Variants in IQANK1 observed in about 807,000 individuals in gnomAD.
IQANK1 encodes IQ motif and ankyrin repeat domain-containing protein 1.
In IQANK1, 30 loss-of-function variants were observed where a neutral mutation model predicts 22.6. That is an observed-to-expected ratio of 1.33 (90% confidence interval 0.99 to 1.80). The LOEUF (loss-of-function observed/expected upper bound fraction) is 1.80. IQANK1 is among the 40% of genes most tolerant of loss of function. The pLI, the probability that IQANK1 is intolerant of heterozygous loss-of-function variation, is 0.00. For synonymous variants in IQANK1, 122 were observed against 99.6 expected (o/e 1.23, Z -1.34); for missense variants, 275 against 235.2 (o/e 1.17, Z -1.11).
At chr8:143,743,894 C>T (rs1554626948) in intron 3 of IQANK1, 2 of 426,834 alleles carry the variant, frequency 4.7e-6, no homozygotes, top group East Asian at 1.5e-4. Flanking sequence ...CTGGAGTGCA[C>T]TGGGGCTTGG....
At chr8:143,744,730 G>C (rs1257513570) in intron 3 of IQANK1, 2 of 152,208 alleles carry the variant, frequency 1.3e-5, no homozygotes, top group Non-Finnish European at 2.9e-5. Context: ...CTGTCTTGCT[G>C]GAGGGAGGAA....
At chr8:143,741,654 T>A (rs1441857221) in intron 3 of IQANK1, 5 of 152,354 alleles carry the variant, frequency 3.3e-5, no homozygotes, top group African/African-American at 1.2e-4. Context: ...GCACTTAGCG[T>A]GGAGGGCGTG....
At chr8:143,789,906 C>T (rs782475055) in intron 11 of IQANK1, 37 bp downstream of exon 11, 10 of 1,231,454 alleles carry the variant, frequency 8.1e-6, no homozygotes, top group South Asian at 8.2e-5. Context: ...GGGGCTGGGA[C>T]ATACAGCCCA....
chr8:143,741,293 G>C lies in IQANK1; in HGVS notation c.175+1345G>C, dbSNP rs527331717. Among the ~76,000 whole-genome samples the C allele has an allele frequency of 2.6e-5, 4 of 152,302 alleles. No homozygotes were observed. The East Asian group carries it at 7.7e-4, about 29-fold the overall frequency. On this transcript the variant is annotated intron_variant, in intron 3 of 13. Coordinates refer to ENST00000527139, the MANE Select transcript of IQANK1 (RefSeq NM_001381874.1). ...CGGGGTGTGGGGCAGACAGGACCAG[G>C]GAGCTCCATCTTGTCGAGGGAAACT... is the stretch of plus-strand genomic sequence containing the variant.
At chr8:143,736,125 C>T (rs1292055717) in intron 2 of IQANK1, among the ~76,000 whole-genome samples, 187 bp downstream of exon 2, 1 of 151,490 alleles carries the variant, frequency 6.6e-6, no homozygotes, top group Non-Finnish European at 1.5e-5. Context: ...TCATCTCAGA[C>T]CTTGAGCCTG....
intron 7 of IQANK1, among the ~76,000 whole-genome samples, chr8:143,779,424 G>A (rs914315508): frequency 2.8e-4 from 43 of 152,108 alleles, no homozygotes; most frequent in African/African-American, 1.0e-3. Flanking sequence ...CATCCATCCA[G>A]TTGCTCAACT....
intron 7 of IQANK1, among the ~76,000 whole-genome samples, chr8:143,786,818 C>T (rs547936713): frequency 4.6e-5 from 7 of 152,286 alleles, no homozygotes; most frequent in Admixed American, 6.5e-5. Context: ...GGAATGAGGG[C>T]TGTGAACGCC....
At position 143,787,979 on chromosome 8, in the gene IQANK1, T is replaced by C. The variant is rs557917914; in HGVS notation, c.790-936T>C. On this transcript the variant is annotated intron_variant, in intron 7 of 13. Coordinates refer to ENST00000527139, the MANE Select transcript of IQANK1 (RefSeq NM_001381874.1). ...ACCTGCTCTTCTTCTCCCAGGCCTC[T>C]GCTCTCCAGCCAGCAGCTCCTCGGG... is the stretch of plus-strand genomic sequence containing the variant. Among the ~76,000 whole-genome samples, 10 of 152,300 alleles carry C rather than the reference T, an allele frequency of 6.6e-5. No individual in the cohort carries two copies. The East Asian group carries it at 9.7e-4, about 15-fold the overall frequency.
At chr8:143,739,742 G>T (rs900823866) in intron 2 of IQANK1, 117 bp from the exon 3 acceptor site, 10 of 578,146 alleles carry the variant, frequency 1.7e-5, no homozygotes, top group Admixed American at 2.9e-5. Flanking sequence ...AGGCCCGGGT[G>T]GGGGGCTCCC....
chr8:143,755,813 G>A (rs1316324497), intron 3 of IQANK1, among the ~76,000 whole-genome samples: 1 of 152,230 alleles, frequency 6.6e-6, no homozygotes, highest in African/African-American at 2.4e-5. Context: ...CTGGCAGGTG[G>A]CTGAGCCCCT....
At chr8:143,768,559 C>A (rs1819520023) in intron 3 of IQANK1, among the ~76,000 whole-genome samples, 1 of 152,080 alleles carries the variant, frequency 6.6e-6, no homozygotes, top group Non-Finnish European at 1.5e-5. Context: ...TCTTGTGTGC[C>A]CGATGGGAAT....
rs1289033423 is a variant in IQANK1, at chr8:143,771,833, G to A, written c.339G>A (p.Glu113=). The A allele has an allele frequency of 5.1e-6, 2 of 395,806 alleles. No homozygotes were observed. The highest frequency in any genetic ancestry group is 8.9e-6 in the Non-Finnish European group (2 of 224,230). The allele number at this position is 395,806 out of a possible 1,614,324, so 24.5% of individuals were successfully genotyped here. ...TGGCTCCGGTGCGCCGGGAGCAGGA[G>A]GCCGCGCGGCGGCTGCGCGAGCAGG... ...AYLAPVRREQ[E]AARRLREQEE... The change falls in exon 5 of 14, where the codon GAG becomes GAA. Residue 113 remains glutamate (E), a synonymous_variant. Coordinates refer to ENST00000527139, the MANE Select transcript of IQANK1 (RefSeq NM_001381874.1). This position sits in a 1 kb window ranked among gnomAD's most constrained non-coding sequence, Gnocchi z 6.0.
chr8:143,788,571 C>T (rs1420937337), intron 7 of IQANK1, among the ~76,000 whole-genome samples: 2 of 152,252 alleles, frequency 1.3e-5, no homozygotes, highest in African/African-American at 4.8e-5. Context: ...CACCCAAGGC[C>T]TCAGGCGTGT....
chr8:143,746,661 G>A (rs531524451), intron 3 of IQANK1, among the ~76,000 whole-genome samples: 39 of 152,336 alleles, frequency 2.6e-4, no homozygotes, highest in African/African-American at 8.7e-4. Flanking sequence ...GAGATGACAG[G>A]TGTGAGCCAC....
chr8:143,741,443 G>C (rs1404537717), intron 3 of IQANK1, among the ~76,000 whole-genome samples: 1 of 152,176 alleles, frequency 6.6e-6, no homozygotes, highest in African/African-American at 2.4e-5. Context: ...CCCCTGCCAT[G>C]GTGCCTCTTT....
At chr8:143,769,398 C>T (rs540367641) in intron 3 of IQANK1, among the ~76,000 whole-genome samples, 5 of 151,880 alleles carry the variant, frequency 3.3e-5, no homozygotes, top group East Asian at 1.9e-4. Flanking sequence ...GGTCTCACCA[C>T]GTTGTCCAGG....
chr8:143,782,707 C>T (rs1819818570), intron 7 of IQANK1, among the ~76,000 whole-genome samples: 1 of 152,216 alleles, frequency 6.6e-6, no homozygotes, highest in African/African-American at 2.4e-5. Context: ...AAACTCCTGA[C>T]CTCAGGCATC....
chr8:143,744,126 C>T (rs545714992), intron 3 of IQANK1: 74 of 202,628 alleles, frequency 3.7e-4, no homozygotes, highest in African/African-American at 1.4e-3. Context: ...GCCACCAGGC[C>T]TGGCTCCTTT....
At chr8:143,775,074 C>T (rs781941815) in intron 7 of IQANK1, among the ~76,000 whole-genome samples, 11 of 151,996 alleles carry the variant, frequency 7.2e-5, no homozygotes, top group African/African-American at 2.2e-4. Context: ...TTACGATGGT[C>T]GTAACGCAAA....
Sources: gnomAD v4.1 joint callset for allele counts (sites outside exome capture counted in the v4.1 genomes callset) on GRCh38, gnomAD v4.1.1 for gene constraint, Gnocchi (gnomAD v3.1) non-coding constraint, MANE v1.5 for transcripts, NCBI Gene and HGNC (gene_info 2026-07-23, HGNC 2026-07-21) for gene names.